Variants in SLC35F3 observed in about 807,000 individuals in gnomAD.
SLC35F3 encodes the protein solute carrier family 35 member F3, also known as putative thiamine transporter SLC35F3.
A neutral mutation model predicts 49.9 loss-of-function variants in SLC35F3; 25 were observed. The ratio of observed to expected loss-of-function variants is 0.50; its 90% confidence interval spans 0.37 to 0.70. The LOEUF is 0.70. Ranked by LOEUF, SLC35F3 falls within the 30% of genes least tolerant of loss-of-function variation. SLC35F3 has a pLI of 0.00. For synonymous variants in SLC35F3, 275 were observed against 265.4 expected (o/e 1.04, Z -0.35); for missense variants, 525 against 639.8 (o/e 0.82, Z 1.94).
chr1:234,187,234 A>G (rs1422875943), intron 2 of SLC35F3, among the ~76,000 whole-genome samples: 2 of 152,204 alleles, frequency 1.3e-5, no homozygotes, highest in Admixed American at 6.5e-5. Context: ...TGTAAATTGT[A>G]TACTATACCT....
At chr1:234,098,607 G>T (rs1418035668) in intron 2 of SLC35F3, among the ~76,000 whole-genome samples, 3 of 149,926 alleles carry the variant, frequency 2.0e-5, no homozygotes, top group African/African-American at 7.4e-5. Context: ...GTGTTATAGG[G>T]TGATGGTGGT....
At chr1:234,074,977 T>G (rs1245967049) in intron 2 of SLC35F3, among the ~76,000 whole-genome samples, 1 of 152,124 alleles carries the variant, frequency 6.6e-6, no homozygotes, top group Non-Finnish European at 1.5e-5. Context: ...ACGTCTGAGT[T>G]TTTTTGATGT....
At chr1:233,911,216 A>G (rs1389541999) in intron 2 of SLC35F3, among the ~76,000 whole-genome samples, 1 of 152,176 alleles carries the variant, frequency 6.6e-6, no homozygotes. Context: ...CCGGTGCTAA[A>G]TGGAACAGTG....
intron 2 of SLC35F3, among the ~76,000 whole-genome samples, chr1:234,124,895 G>A (rs900529180): frequency 6.6e-6 from 1 of 152,138 alleles, no homozygotes; most frequent in Non-Finnish European, 1.5e-5. Context: ...TTCTGGTGAT[G>A]GAGACTCTGT....
intron 3 of SLC35F3, among the ~76,000 whole-genome samples, chr1:234,308,542 G>A (rs1160632835): frequency 6.6e-6 from 1 of 151,620 alleles, no homozygotes; most frequent in East Asian, 1.9e-4. Flanking sequence ...TTTCTAATGT[G>A]ACCCAGAAAA....
intron 2 of SLC35F3, among the ~76,000 whole-genome samples, chr1:233,931,516 A>G (rs1391777969): frequency 6.6e-6 from 1 of 152,250 alleles, no homozygotes; most frequent in Non-Finnish European, 1.5e-5. Flanking sequence ...AAAAGAAGAC[A>G]TTTATGCAGC....
intron 2 of SLC35F3, among the ~76,000 whole-genome samples, chr1:234,083,898 C>T (rs1187992290): frequency 6.7e-6 from 1 of 149,570 alleles, no homozygotes; most frequent in African/African-American, 2.5e-5. Context: ...AGTGCAATGG[C>T]GTGATCTCGG....
intron 3 of SLC35F3, among the ~76,000 whole-genome samples, chr1:234,287,934 T>TGGA (rs1668448461): frequency 6.6e-6 from 1 of 152,242 alleles, no homozygotes; most frequent in Admixed American, 6.5e-5. Context: ...TCACCCAGGC[T>TGGA]GGAGTGCAGT....
intron 2 of SLC35F3, among the ~76,000 whole-genome samples, chr1:233,932,056 C>T (rs1427173297): frequency 6.6e-6 from 1 of 152,108 alleles, no homozygotes; most frequent in East Asian, 1.9e-4. Context: ...GAAAACCAAA[C>T]ACCACATATT....
At chr1:234,202,463 A>G (rs1666913091) in intron 2 of SLC35F3, among the ~76,000 whole-genome samples, 1 of 152,256 alleles carries the variant, frequency 6.6e-6, no homozygotes, top group South Asian at 2.1e-4. Context: ...TTGATAAACA[A>G]TATGTAATGG....
chr1:234,022,103 A>T (rs1024740265), intron 2 of SLC35F3, among the ~76,000 whole-genome samples: 3 of 152,204 alleles, frequency 2.0e-5, no homozygotes, highest in African/African-American at 7.2e-5. Context: ...ATATTTAGTT[A>T]ATACATTTAT....
At chr1:233,973,187 A>G (rs1663023097) in intron 2 of SLC35F3, among the ~76,000 whole-genome samples, 1 of 152,160 alleles carries the variant, frequency 6.6e-6, no homozygotes, top group Non-Finnish European at 1.5e-5. Context: ...CGAGAATAAT[A>G]TATTTTGGTG....
intron 2 of SLC35F3, among the ~76,000 whole-genome samples, chr1:233,924,927 A>G (rs1662131455): frequency 6.6e-6 from 1 of 152,228 alleles, no homozygotes; most frequent in Admixed American, 6.5e-5. Context: ...TTCAGTTTCC[A>G]TGTAGATGTG....
At chr1:234,079,790 C>G (rs981658194) in intron 2 of SLC35F3, among the ~76,000 whole-genome samples, 1 of 152,104 alleles carries the variant, frequency 6.6e-6, no homozygotes, top group Non-Finnish European at 1.5e-5. Flanking sequence ...ATAGAGAAAT[C>G]GGAACCTTCA....
intron 2 of SLC35F3, among the ~76,000 whole-genome samples, chr1:233,965,060 G>A (rs2154238): frequency 0.13 from 19,719 of 152,178 alleles, 1,675 homozygotes; most frequent in Admixed American, 0.22. Context: ...AGAAATACAG[G>A]ATTAGGTCTT....
intron 2 of SLC35F3, among the ~76,000 whole-genome samples, chr1:234,220,718 A>G (rs1025460826): frequency 2.6e-5 from 4 of 152,250 alleles, no homozygotes; most frequent in Admixed American, 1.3e-4. Flanking sequence ...AGTGTGAAGT[A>G]GGAAGGCTGA....
intron 3 of SLC35F3, among the ~76,000 whole-genome samples, chr1:234,294,671 A>G (rs931788805): frequency 6.6e-6 from 1 of 152,258 alleles, no homozygotes; most frequent in Non-Finnish European, 1.5e-5. Context: ...CTAAACGTCA[A>G]GCGCTGAGTT....
chr1:234,307,442 G>C (rs1456659243), intron 3 of SLC35F3, among the ~76,000 whole-genome samples: 2 of 152,140 alleles, frequency 1.3e-5, no homozygotes, highest in Admixed American at 6.5e-5. Context: ...TCCTGTTCCT[G>C]CTATGGACAT....
chr1:234,050,217 T>A (rs867860205), intron 2 of SLC35F3, among the ~76,000 whole-genome samples: 27 of 152,236 alleles, frequency 1.8e-4, no homozygotes, highest in Non-Finnish European at 3.4e-4. Flanking sequence ...CGCCACACTG[T>A]CTTCCACAAT....
Sources: allele counts gnomAD v4.1 joint callset (sites outside exome capture counted in the v4.1 genomes callset), GRCh38; gene constraint gnomAD v4.1.1; transcripts MANE v1.5; gene names NCBI Gene and HGNC (gene_info 2026-07-23, HGNC 2026-07-21).